TENM3: variants seen among roughly 807,000 people sequenced by gnomAD.
TENM3 encodes the protein teneurin-3.
In TENM3, 63 loss-of-function variants were observed where a neutral mutation model predicts 255.1. The observed-to-expected ratio is 0.25, with a 90% CI of 0.20 to 0.30. The LOEUF is 0.30. Ranked by LOEUF, TENM3 falls within the 10% of genes least tolerant of loss-of-function variation. TENM3 has a pLI of 1.00. For missense variants in TENM3, 2,929 were observed against 3,461.1 expected, an observed-to-expected ratio of 0.85 and a Z score of 3.86; for synonymous variants, 1,306 against 1,322.3, an observed-to-expected ratio of 0.99 and a Z score of 0.27.
intron 1 of TENM3, chr4:182,169,158 T>C (rs148146465): frequency 9.7e-5 from 42 of 433,790 alleles, no homozygotes; most frequent in African/African-American, 5.9e-4. Flanking sequence ...CCACTATTAA[T>C]CTGTGGTTCT....
chr4:182,542,257 T>G (rs2151893074), intron 3 of TENM3, among the ~76,000 whole-genome samples: 2 of 152,286 alleles, frequency 1.3e-5, no homozygotes, highest in Admixed American at 1.3e-4. Flanking sequence ...TGAGGTCATG[T>G]TCATTGGAAC....
At chr4:181,524,407 G>T in the TENM3 span, among the ~76,000 whole-genome samples, 3 of 152,186 alleles carry the variant, frequency 2.0e-5, no homozygotes, top group African/African-American at 4.8e-5. Flanking sequence ...AAGCAAAAGC[G>T]AACTCCGTGT....
chr4:181,941,272 C>T, the TENM3 span, among the ~76,000 whole-genome samples: 1 of 151,770 alleles, frequency 6.6e-6, no homozygotes, highest in South Asian at 2.1e-4. Context: ...CCACCTCTTC[C>T]TCATTCTCTA....
At chr4:182,564,773 G>A (rs914683832) in intron 3 of TENM3, among the ~76,000 whole-genome samples, 3 of 152,094 alleles carry the variant, frequency 2.0e-5, no homozygotes, top group African/African-American at 7.2e-5. Context: ...TAGTTGATCT[G>A]CAGTAACTCC....
At chr4:182,230,007 C>A (rs1249488741) in intron 1 of TENM3, among the ~76,000 whole-genome samples, 1 of 151,642 alleles carries the variant, frequency 6.6e-6, no homozygotes, top group South Asian at 2.1e-4. Context: ...CTGCAGATCT[C>A]AAAGCATGTG....
chr4:182,518,637 A>T (rs1206090577), intron 3 of TENM3, among the ~76,000 whole-genome samples: 1 of 152,168 alleles, frequency 6.6e-6, no homozygotes, highest in Non-Finnish European at 1.5e-5. Context: ...GACCTGGATG[A>T]ATTGCAAGGA....
intron 3 of TENM3, among the ~76,000 whole-genome samples, chr4:182,400,662 T>C (rs376659003): frequency 4.6e-5 from 7 of 152,222 alleles, no homozygotes; most frequent in Non-Finnish European, 7.3e-5. Context: ...AAATCATGGA[T>C]TTGAAATGAA....
chr4:181,970,450 T>G, the TENM3 span, among the ~76,000 whole-genome samples: 1 of 152,106 alleles, frequency 6.6e-6, no homozygotes, highest in Non-Finnish European at 1.5e-5. Flanking sequence ...AGAAAAAAAA[T>G]ACTCTTTTGT....
chr4:182,153,120 A>T (rs1750458388), intron 1 of TENM3, among the ~76,000 whole-genome samples: 1 of 152,008 alleles, frequency 6.6e-6, no homozygotes, highest in South Asian at 2.1e-4. Flanking sequence ...ATAAATAAAG[A>T]ATTAAAAAAT....
At chr4:182,538,332 CA>C (rs1374055715) in intron 3 of TENM3, among the ~76,000 whole-genome samples, 3 of 152,122 alleles carry the variant, frequency 2.0e-5, no homozygotes, top group African/African-American at 7.2e-5. Context: ...ATGAAATGAT[CA>C]CACAAATAAA....
intron 3 of TENM3, among the ~76,000 whole-genome samples, chr4:182,574,435 G>A (rs185258059): frequency 1.3e-5 from 2 of 152,080 alleles, no homozygotes; most frequent in African/African-American, 2.4e-5. Context: ...CTACTAAATT[G>A]TATTTATGAA....
chr4:182,754,671 A>G lies in TENM3; in HGVS notation c.4304A>G (p.Asp1435Gly), dbSNP rs1762602257. ...AACCGGATAAGGCAGGTCACAACAG[A>G]TGGAGAAATCTCCTTAGTGGCCGGA... Reference protein sequence around the residue: ...KINRIRQVTTDGEISLVAGIP... With the variant: ...KINRIRQVTTGGEISLVAGIP... Residue 1435 changes from aspartate (D) to glycine (G), a missense_variant, in exon 22 of 28, where the codon GAT becomes GGT. Physicochemically the swap from Asp to Gly is moderately conservative, Grantham distance 94 (BLOSUM62 -1). Transcript: ENST00000511685. This position sits in a 1 kb window ranked among gnomAD's most constrained non-coding sequence, Gnocchi z 5.1. 1.2e-6 allele frequency: 2 copies of G among 1,614,060 alleles called. No homozygotes were observed. The highest frequency in any genetic ancestry group is 1.7e-6 in the Non-Finnish European group (2 of 1,179,904).
rs1693946987 is a variant in TENM3, at chr4:182,800,247, G to A, written c.7996G>A (p.Gly2666Ser). 6.3e-7 allele frequency: 1 copy of A among 1,593,780 alleles called. No individual in the cohort carries two copies. Among genetic ancestry groups the A allele is most frequent in the African/African-American group, 1.3e-5 (1 of 74,812 alleles). The change falls in exon 28 of 28, where the codon GGC (glycine) becomes AGC (serine). Residue 2666 changes from glycine to serine, a missense_variant. Physicochemically the swap from Gly to Ser is moderately conservative, Grantham distance 56. This residue lies in a region of TENM3 where 476 missense variants were observed against 480.1 expected (regional missense o/e 0.99). Coordinates refer to ENST00000511685, the MANE Select transcript of TENM3 (RefSeq NM_001080477.4). ...RQLLSAGKVQ[G>S]YDGYYVLSVE... ...GCTGCTGAGCGCCGGCAAGGTGCAGGGCTACGACGGGTACTACGTACTCTC... is the reference window on the plus strand; with the variant it reads ...GCTGCTGAGCGCCGGCAAGGTGCAGAGCTACGACGGGTACTACGTACTCTC...
intron 5 of TENM3, among the ~76,000 whole-genome samples, chr4:182,634,864 G>C (rs1316930301): frequency 1.3e-5 from 2 of 152,086 alleles, no homozygotes; most frequent in African/African-American, 4.8e-5. Context: ...TCTTTTTTCT[G>C]GGTAGAAGAT....
chr4:182,388,975 T>C (rs943209899), intron 3 of TENM3, among the ~76,000 whole-genome samples: 1 of 152,200 alleles, frequency 6.6e-6, no homozygotes, highest in African/African-American at 2.4e-5. Flanking sequence ...GTCAGTGTTA[T>C]TAAATCTAGT....
the TENM3 span, among the ~76,000 whole-genome samples, chr4:181,521,539 G>T: frequency 6.6e-6 from 1 of 152,102 alleles, no homozygotes; most frequent in Non-Finnish European, 1.5e-5. Flanking sequence ...TCTACTGAAG[G>T]ATATAGACTG....
At chr4:182,528,096 G>C (rs1427943651) in intron 3 of TENM3, among the ~76,000 whole-genome samples, 1 of 152,062 alleles carries the variant, frequency 6.6e-6, no homozygotes, top group African/African-American at 2.4e-5. Context: ...AATGAATCTT[G>C]AAAACTTAGC....
At chr4:182,462,582 C>G (rs1023796450) in intron 3 of TENM3, among the ~76,000 whole-genome samples, 4 of 151,936 alleles carry the variant, frequency 2.6e-5, no homozygotes, top group Non-Finnish European at 4.4e-5. Context: ...GTTCTTATGG[C>G]ATTACAAATA....
chr4:181,534,250 AAC>A, the TENM3 span, among the ~76,000 whole-genome samples: 13 of 151,202 alleles, frequency 8.6e-5, no homozygotes, highest in South Asian at 1.7e-3. Context: ...AAAAAAAAAA[AAC>A]AATTGCATTC....
Sources: allele counts gnomAD v4.1 joint callset (sites outside exome capture counted in the v4.1 genomes callset), GRCh38; gene constraint gnomAD v4.1.1; regional missense constraint gnomAD v4.1.1; non-coding constraint Gnocchi (gnomAD v3.1); transcripts MANE v1.5; gene names NCBI Gene and HGNC (gene_info 2026-07-23, HGNC 2026-07-21).